Variants in DCDC1 observed in about 807,000 individuals in gnomAD.
DCDC1 encodes the protein doublecortin domain-containing protein 1.
Under a neutral mutation model 178.3 loss-of-function variants are expected in DCDC1, and 200 were observed. That is an observed-to-expected ratio of 1.12 (90% CI 1.00 to 1.26). DCDC1 has a LOEUF of 1.26. DCDC1 is among the 50% of genes most tolerant of loss of function. The pLI is 0.00. For synonymous variants in DCDC1, 690 were observed against 604.8 expected (o/e 1.14, Z -2.07); for missense variants, 1,983 against 1,749.2 (o/e 1.13, Z -2.38).
rs1343233027 is a variant in DCDC1, at chr11:30,892,978, T to C, written c.4922A>G (p.Gln1641Arg). ...AAAATTTATTTTGGATTCCATTTCT[T>C]GGATTTCAGAAAGGTGTGCCTGTCA... is the stretch of plus-strand genomic sequence containing the variant. ...RHTEAHLSEIQEMESKINFPI... is the reference protein window; with the variant it reads ...RHTEAHLSEIREMESKINFPI... The change falls in exon 36 of 39, where the codon CAA becomes CGA. Residue 1641 changes from glutamine (Q) to arginine (R), a missense_variant. Gln to Arg is a conservative substitution (Grantham distance 43). Transcript: ENST00000684477. 1.2e-6 allele frequency: 2 copies of C among 1,613,886 alleles called. No homozygotes were observed. Among genetic ancestry groups the C allele is most frequent in the African/African-American group, 1.3e-5 (1 of 75,042 alleles).
At chr11:30,890,807 T>C (rs633451) in intron 36 of DCDC1, among the ~76,000 whole-genome samples, 1,758 of 152,338 alleles carry the variant, frequency 0.012, 30 homozygotes, top group African/African-American at 0.04. Flanking sequence ...ATCTTAAACA[T>C]CTTTATTATT....
At chr11:31,138,164 T>C (rs1015869726) in intron 9 of DCDC1, among the ~76,000 whole-genome samples, 16 of 152,220 alleles carry the variant, frequency 1.1e-4, no homozygotes, top group African/African-American at 2.9e-4. Flanking sequence ...AATTGTTTGC[T>C]GTTATGTCGG....
chr11:31,275,100 T>C (rs192871302), intron 7 of DCDC1, among the ~76,000 whole-genome samples: 108 of 152,238 alleles, frequency 7.1e-4, no homozygotes, highest in African/African-American at 2.6e-3. Flanking sequence ...TTGGCAGACA[T>C]TAGTAGTCAA....
At chr11:30,934,423 C>T (rs757808576) in intron 21 of DCDC1, among the ~76,000 whole-genome samples, 20 of 152,164 alleles carry the variant, frequency 1.3e-4, no homozygotes, top group Non-Finnish European at 2.4e-4. Flanking sequence ...CCCACAATAT[C>T]ACCAGCTTGG....
rs995162294 is a variant in DCDC1, at chr11:31,241,763, C to T, written c.1055-147G>A. On this transcript the variant is annotated intron_variant, in intron 8 of 38. Transcript: ENST00000684477. ...TTAAGTCTTAGAGAGGCAATTCCTG[C>T]GTTACTAGTGGCCACCATGAAGGAT... 16 of 382,438 alleles carry T rather than the reference C, an allele frequency of 4.2e-5. No individual in the cohort carries two copies. The East Asian group carries it at 4.8e-4, about 12-fold the overall frequency. 23.7% of individuals were successfully genotyped at this position (382,438 alleles called of 1,614,324 possible). A position where few individuals can be genotyped will look rare whatever the true frequency, so the allele number is the denominator to read the frequency against.
chr11:30,980,417 A>T (rs572943927), intron 20 of DCDC1, among the ~76,000 whole-genome samples: 55 of 152,244 alleles, frequency 3.6e-4, no homozygotes, highest in African/African-American at 1.2e-3. Flanking sequence ...TAGAGACTGG[A>T]ATACTAGTAT....
intron 9 of DCDC1, among the ~76,000 whole-genome samples, chr11:31,241,209 A>C (rs1426319197): frequency 6.6e-6 from 1 of 151,988 alleles, no homozygotes; most frequent in Non-Finnish European, 1.5e-5. Context: ...CACTTTGCCC[A>C]GTATGCGCTG....
chr11:30,928,558 C>T (rs1946735781), intron 22 of DCDC1, among the ~76,000 whole-genome samples: 1 of 139,752 alleles, frequency 7.2e-6, no homozygotes, highest in African/African-American at 2.7e-5. Flanking sequence ...GTTGGCCATT[C>T]AGAAAGCTAG....
chr11:31,153,817 C>CACACACACACACACACACACAA (rs957007039), intron 9 of DCDC1, among the ~76,000 whole-genome samples: 4 of 149,990 alleles, frequency 2.7e-5, no homozygotes, highest in African/African-American at 9.9e-5. Flanking sequence ...CACACACACA[C>CACACACACACACACACACACAA]AATTACCATA....
intron 15 of DCDC1, among the ~76,000 whole-genome samples, chr11:31,097,355 C>T (rs191803735): frequency 1.3e-3 from 197 of 152,288 alleles, no homozygotes; most frequent in South Asian, 9.7e-3. Context: ...GAAAGAAGTT[C>T]ATAGAGCACA....
chr11:31,262,203 G>T (rs560666787), intron 8 of DCDC1, among the ~76,000 whole-genome samples: 1 of 151,860 alleles, frequency 6.6e-6, no homozygotes, highest in South Asian at 2.1e-4. Context: ...GGAGCTCAAG[G>T]CTGCAATGAG....
At chr11:31,209,907 C>A (rs780656810) in intron 9 of DCDC1, among the ~76,000 whole-genome samples, 6 of 152,112 alleles carry the variant, frequency 3.9e-5, no homozygotes, top group Non-Finnish European at 7.4e-5. Flanking sequence ...GACAGTCAGT[C>A]CACCAGACAC....
intron 36 of DCDC1, among the ~76,000 whole-genome samples, chr11:30,887,479 T>A (rs1195480508): frequency 6.6e-6 from 1 of 152,198 alleles, no homozygotes; most frequent in Non-Finnish European, 1.5e-5. Flanking sequence ...TAACGTTAAC[T>A]TTGAGGTCTA....
chr11:31,042,510 A>G (rs544844745), intron 20 of DCDC1, among the ~76,000 whole-genome samples: 26 of 152,110 alleles, frequency 1.7e-4, no homozygotes, highest in Non-Finnish European at 3.1e-4. Flanking sequence ...CCCTGTCTTC[A>G]TTTTTAGTAG....
At chr11:31,157,114 C>T (rs1367414705) in intron 9 of DCDC1, among the ~76,000 whole-genome samples, 2 of 151,650 alleles carry the variant, frequency 1.3e-5, no homozygotes, top group African/African-American at 4.8e-5. Context: ...GTGGGTGGCT[C>T]ACATCTCTAA....
chr11:31,218,854 C>G (rs1022738663), intron 9 of DCDC1, among the ~76,000 whole-genome samples: 1 of 152,048 alleles, frequency 6.6e-6, no homozygotes, highest in African/African-American at 2.4e-5. Context: ...AATATTATGA[C>G]AAGGTCCTAA....
At chr11:30,894,198 A>G in intron 35 of DCDC1, 50 bp downstream of exon 35, 4 of 1,577,706 alleles carry the variant, frequency 2.5e-6, no homozygotes, top group Non-Finnish European at 3.4e-6. Context: ...ACTTTTAAAT[A>G]CTCATAAAAA....
rs562487895 is a variant in DCDC1, at chr11:31,163,051, G to A, written c.1222-25267C>T. Among the ~76,000 whole-genome samples the A allele has an allele frequency of 6.6e-5, 10 of 152,102 alleles. No homozygotes were observed. In the East Asian group the frequency reaches 7.7e-4, roughly 12 times the overall value. ...AGCACTTCCCACCATCTAATGTTCC[G>A]ATGTCTTTACTTAAATCCCCAAATT... On this transcript the variant is annotated intron_variant, in intron 9 of 38. Coordinates refer to ENST00000684477, the MANE Select transcript of DCDC1 (RefSeq NM_001387274.1).
chr11:31,266,874 A>C (rs187862142), intron 7 of DCDC1, among the ~76,000 whole-genome samples: 11 of 152,332 alleles, frequency 7.2e-5, no homozygotes, highest in Admixed American at 3.3e-4. Context: ...ATTGTGACTG[A>C]TTTGGTTTAT....
Sources: allele counts gnomAD v4.1 joint callset (sites outside exome capture counted in the v4.1 genomes callset), GRCh38; gene constraint gnomAD v4.1.1; transcripts MANE v1.5; gene names NCBI Gene and HGNC (gene_info 2026-07-23, HGNC 2026-07-21).